Variants in FBP2 observed in about 807,000 individuals in gnomAD.
FBP2 encodes fructose-1,6-bisphosphatase isozyme 2.
FBP2 carries 27 observed loss-of-function variants against 31.6 expected under a neutral mutation model. The ratio of observed to expected loss-of-function variants is 0.85; its 90% CI spans 0.63 to 1.18. The LOEUF (loss-of-function observed/expected upper bound fraction) is 1.18, where lower values mean the gene tolerates loss of function less well. Among genes scored for constraint, FBP2 ranks in the 50% most tolerant of loss-of-function variants. The pLI is 0.00. For synonymous variants in FBP2, 168 were observed against 179.8 expected, an observed-to-expected ratio of 0.93 and a Z score of 0.53; for missense variants, 421 against 436.1, an observed-to-expected ratio of 0.97 and a Z score of 0.31.
rs147854931 is a variant in FBP2, at chr9:94,584,644, G to A, written c.359C>T (p.Pro120Leu). The change falls in exon 3 of 7, where the codon CCA becomes CTA. Residue 120 changes from proline (P) to leucine (L), a missense_variant. Coordinates refer to ENST00000375337, the MANE Select transcript of FBP2 (RefSeq NM_003837.4). ...GTCAATATTGGAAGATCCATCCAGT[G>A]GGTCAAAGCAGACCACGTATTTCCC... Reference protein sequence around the residue: ...KRGKYVVCFDPLDGSSNIDCL... With the variant: ...KRGKYVVCFDLLDGSSNIDCL... The A allele has an allele frequency of 1.2e-6, 2 of 1,613,208 alleles. No homozygotes were observed. Among genetic ancestry groups the A allele is most frequent in the Non-Finnish European group, 1.7e-6 (2 of 1,179,182 alleles).
chr9:94,573,215 T>G (rs949712925), intron 3 of FBP2, among the ~76,000 whole-genome samples: 1 of 152,202 alleles, frequency 6.6e-6, no homozygotes, highest in Non-Finnish European at 1.5e-5. Flanking sequence ...GTAGATGTAC[T>G]TGATAGAGTT....
Position 94,592,810 on chromosome 9 carries a change from G to A in FBP2, c.170+747C>T, listed in dbSNP as rs1291131504. ...GGCCTCCCAAAGTGCCAGGATTACA[G>A]ACAGGAGCCACCGTGCCTGGCCACC... On this transcript the variant is annotated intron_variant, in intron 1 of 6. Transcript: ENST00000375337. Among the ~76,000 whole-genome samples the A allele has an allele frequency of 1.8e-4, 27 of 152,154 alleles. 2 individuals carry two copies. Among genetic ancestry groups the A allele is most frequent in the Admixed American group, 1.8e-3 (27 of 15,274 alleles).
intron 3 of FBP2, chr9:94,577,466 A>G (rs545466566): frequency 6.6e-6 from 1 of 152,138 alleles, no homozygotes; most frequent in Non-Finnish European, 1.5e-5. Flanking sequence ...GTTAACCTAC[A>G]CTGTGGAGTT....
At chr9:94,574,196 C>A (rs993941361) in intron 3 of FBP2, among the ~76,000 whole-genome samples, 1 of 152,056 alleles carries the variant, frequency 6.6e-6, no homozygotes, top group African/African-American at 2.4e-5. Flanking sequence ...AGATAAATTC[C>A]CAATAATTAA....
chr9:94,592,511 C>G (rs1454378488), intron 1 of FBP2, among the ~76,000 whole-genome samples: 1 of 152,072 alleles, frequency 6.6e-6, no homozygotes, highest in African/African-American at 2.4e-5. Flanking sequence ...ACAAGGGAAG[C>G]CCAAAGAAAG....
At chr9:94,562,433 T>C (rs1268513806) in intron 6 of FBP2, among the ~76,000 whole-genome samples, 1 of 152,044 alleles carries the variant, frequency 6.6e-6, no homozygotes, top group Non-Finnish European at 1.5e-5. Flanking sequence ...TGTTCTTAGT[T>C]CAGTGGGTGA....
chr9:94,564,687 G>C (rs10122208), intron 5 of FBP2, among the ~76,000 whole-genome samples: 75,536 of 151,736 alleles, frequency 0.5, 19,065 homozygotes, highest in Admixed American at 0.55. Context: ...GGAGGGGGAG[G>C]AGCAGAAAAG....
rs1280946257 is a variant in FBP2, at chr9:94,558,894, C to T, written c.*44G>A. 1.9e-6 allele frequency: 3 copies of T among 1,583,852 alleles called. No individual in the cohort carries two copies. The Admixed American group carries it at 5.0e-5, about 26-fold the overall frequency. ...TTATCGTTCATTTAGGGTCCTTAGA[C>T]AAGGTGCAAGACAAACAGAAGAGGG... is the stretch of plus-strand genomic sequence containing the variant. On this transcript the variant is annotated 3_prime_UTR_variant, in exon 7 of 7. Coordinates refer to ENST00000375337, the MANE Select transcript of FBP2 (RefSeq NM_003837.4).
intron 1 of FBP2, among the ~76,000 whole-genome samples, chr9:94,589,224 C>G (rs1021118600): frequency 6.6e-6 from 1 of 152,204 alleles, no homozygotes; most frequent in Non-Finnish European, 1.5e-5. Context: ...CACCCTCTCA[C>G]GTTCCAACAG....
intron 4 of FBP2, 109 bp from the exon 5 acceptor site, chr9:94,567,516 G>A: frequency 2.2e-6 from 3 of 1,362,238 alleles, no homozygotes; most frequent in Non-Finnish European, 3.0e-6. Context: ...TGGCAGAGCT[G>A]GGGCTTGGCT....
chr9:94,563,249 G>T, intron 6 of FBP2, 93 bp downstream of exon 6: 1 of 1,396,664 alleles, frequency 7.2e-7, no homozygotes. Context: ...GACATGCCAT[G>T]AAGCAGTGCA....
At chr9:94,571,749 A>T in intron 3 of FBP2, 147 bp from the exon 4 acceptor site, 1 of 703,074 alleles carries the variant, frequency 1.4e-6, no homozygotes, top group Middle Eastern at 3.6e-4. Context: ...TCCAGAGGAA[A>T]CGAGTGGCCA....
intron 1 of FBP2, among the ~76,000 whole-genome samples, chr9:94,587,747 G>A (rs77783461): frequency 6.6e-6 from 1 of 152,100 alleles, no homozygotes; most frequent in African/African-American, 2.4e-5. Context: ...AGCACGAGGA[G>A]ATGGAGCAGA....
Position 94,563,457 on chromosome 9 carries a change from C to T in FBP2, c.710G>A (p.Gly237Asp), listed in dbSNP as rs534129454. Reference sequence around the variant, plus strand: ...ATACCTGGCCCCATAGGGAGCACTGCCATCCTAGAAGACAGAAAGCGAAGA... The same window carrying T: ...ATACCTGGCCCCATAGGGAGCACTGTCATCCTAGAAGACAGAAAGCGAAGA... ...YVQKKKFPED[G>D]SAPYGARYVG... Residue 237 changes from glycine (G) to aspartate (D), a missense_variant, in exon 6 of 7, where the codon GGC (glycine) becomes GAC (aspartate). Gly to Asp is a moderately conservative substitution (Grantham distance 94, BLOSUM62 -1). Transcript: ENST00000375337. 512 of 1,613,160 alleles carry T rather than the reference C, an allele frequency of 3.2e-4. 1 individual carries two copies. In the South Asian group the frequency reaches 5.4e-3, roughly 17 times the overall value.
At chr9:94,589,634 G>C (rs1412692804) in intron 1 of FBP2, among the ~76,000 whole-genome samples, 7 of 152,296 alleles carry the variant, frequency 4.6e-5, no homozygotes, top group African/African-American at 1.7e-4. Context: ...ATCTCAGGTG[G>C]TTCTAACAGG....
At chr9:94,588,260 T>C (rs567168606) in intron 1 of FBP2, among the ~76,000 whole-genome samples, 11 of 152,270 alleles carry the variant, frequency 7.2e-5, no homozygotes, top group Non-Finnish European at 1.5e-4. Context: ...GAAGGAAATG[T>C]GGGGGCAGAC....
At chr9:94,590,533 G>A (rs2131462197) in intron 1 of FBP2, among the ~76,000 whole-genome samples, 1 of 152,330 alleles carries the variant, frequency 6.6e-6, no homozygotes, top group African/African-American at 2.4e-5. Context: ...CTCGCGGTGA[G>A]TGTTACAGCT....
At chr9:94,565,877 C>T (rs1282074507) in intron 5 of FBP2, among the ~76,000 whole-genome samples, 2 of 152,020 alleles carry the variant, frequency 1.3e-5, no homozygotes, top group African/African-American at 4.8e-5. Flanking sequence ...AGAGCAAGGG[C>T]CTCTGAAGGT....
chr9:94,587,301 A>G lies in FBP2; in HGVS notation c.333+6T>C. 1 of 1,607,516 alleles carries G rather than the reference A, an allele frequency of 6.2e-7. No homozygotes were observed. Among genetic ancestry groups the G allele is most frequent in the Non-Finnish European group, 8.5e-7 (1 of 1,178,048 alleles). On this transcript the variant is annotated splice_donor_region_variant and intron_variant, in intron 2 of 6. Transcript: ENST00000375337. ...GGCGAGCGGGCACCGCAGCCCCATG[A>G]CGCACCCGCTTCTCCTTGGCGGTGA...
Sources: allele counts gnomAD v4.1 joint callset (sites outside exome capture counted in the v4.1 genomes callset), GRCh38; gene constraint gnomAD v4.1.1; transcripts MANE v1.5; gene names NCBI Gene and HGNC (gene_info 2026-07-23, HGNC 2026-07-21).